The following KDM4C variants were observed in gnomAD, a reference collection of about 807,000 sequenced individuals.
KDM4C encodes the protein lysine demethylase 4C, also known as lysine-specific demethylase 4C.
A neutral mutation model predicts 129.3 loss-of-function variants in KDM4C; 81 were observed. The observed-to-expected ratio is 0.63, with a 90% CI of 0.52 to 0.75. The LOEUF is 0.75. Ranked by LOEUF, KDM4C falls within the 30% of genes least tolerant of loss-of-function variation. The pLI is 0.00. For missense variants in KDM4C, 1,457 were observed against 1,304.0 expected (o/e 1.12, Z -1.81); for synonymous variants, 573 against 456.1 (o/e 1.26, Z -3.26).
At chr9:6,800,734 G>GC (rs1828790623) in intron 2 of KDM4C, among the ~76,000 whole-genome samples, 1 of 151,802 alleles carries the variant, frequency 6.6e-6, no homozygotes. Flanking sequence ...TCAAGCAGTC[G>GC]CCCCACCTCA....
intron 2 of KDM4C, among the ~76,000 whole-genome samples, chr9:6,796,302 G>A (rs1053103300): frequency 3.9e-5 from 6 of 152,110 alleles, no homozygotes; most frequent in African/African-American, 9.7e-5. Context: ...AATTTTAGCC[G>A]GGCTTGGAGG....
chr9:6,769,415 G>A (rs988161063), intron 1 of KDM4C, among the ~76,000 whole-genome samples: 1 of 151,960 alleles, frequency 6.6e-6, no homozygotes, highest in Non-Finnish European at 1.5e-5. Context: ...TGGGATCTGG[G>A]TCCGGGATAC....
At chr9:6,945,091 CCACAGACA>C (rs1377016140) in intron 8 of KDM4C, among the ~76,000 whole-genome samples, 2 of 152,106 alleles carry the variant, frequency 1.3e-5, no homozygotes. Context: ...CTCTACACAG[CCACAGACA>C]TACCTTCCAC....
intron 8 of KDM4C, among the ~76,000 whole-genome samples, chr9:6,950,732 A>G (rs1166894918): frequency 6.6e-6 from 1 of 152,210 alleles, no homozygotes; most frequent in African/African-American, 2.4e-5. Flanking sequence ...TGAAGTTTTC[A>G]GGGAGAGAAA....
intron 2 of KDM4C, among the ~76,000 whole-genome samples, chr9:6,799,445 A>G (rs919717107): frequency 2.6e-5 from 4 of 152,140 alleles, no homozygotes; most frequent in East Asian, 1.9e-4. Flanking sequence ...CGCGTCTGCA[A>G]TCGCAGGCAC....
rs1823208487 is a variant in KDM4C at position 7,014,105 on chromosome 9, G to A, written c.2182+104G>A. 5 of 832,046 alleles carry A rather than the reference G, an allele frequency of 6.0e-6. No individual in the cohort carries two copies. In the East Asian group the frequency reaches 9.9e-5, roughly 16 times the overall value. The allele number at this position is 832,046 out of a possible 1,614,324, so 51.5% of individuals were successfully genotyped here. On this transcript the variant is annotated intron_variant, in intron 14 of 21. Transcript: ENST00000381309. The stretch of plus-strand genomic sequence containing the variant: ...GTCAGATCTGTTGCATGGACTATTG[G>A]CATTCTTAATGGTTATATCATTCTT...
intron 6 of KDM4C, among the ~76,000 whole-genome samples, chr9:6,884,370 G>C (rs1424122180): frequency 1.3e-5 from 2 of 152,104 alleles, no homozygotes; most frequent in Non-Finnish European, 2.9e-5. Flanking sequence ...AAATAAGCTT[G>C]CCAAGAAATT....
Position 6,825,227 on chromosome 9 carries a change from A to G in KDM4C, c.435+10482A>G, listed in dbSNP as rs56350789. Among the ~76,000 whole-genome samples the G allele has an allele frequency of 9.6e-3, 1,465 of 151,888 alleles. 19 individuals carry two copies. Among genetic ancestry groups the G allele is most frequent in the African/African-American group, 0.033 (1,357 of 41,404 alleles). ...AATCTGTTATAAAGTCATATGTCCT[A>G]TAGCTTCTGGAAAACTCTATACTCA... On this transcript the variant is annotated intron_variant, in intron 4 of 21. Transcript: ENST00000381309.
chr9:6,867,013 A>ATT (rs1267228074), intron 5 of KDM4C, among the ~76,000 whole-genome samples: 1 of 78,828 alleles, frequency 1.3e-5, no homozygotes, highest in East Asian at 3.1e-4. Context: ...ATATATATAT[A>ATT]TATATTTTTT....
chr9:6,852,046 G>A lies in KDM4C; in HGVS notation c.629+2346G>A, dbSNP rs1049059484. Among the ~76,000 whole-genome samples the A allele has an allele frequency of 3.2e-4, 48 of 152,130 alleles. 1 individual carries two copies. Among genetic ancestry groups the A allele is most frequent in the African/African-American group, 1.2e-3 (48 of 41,430 alleles). On this transcript the variant is annotated intron_variant, in intron 5 of 21. Transcript: ENST00000381309. ...ATAAAATAATAAAATGTAGTAGTGAGTTGTAACACTGATTCTACATACTAT... is the reference window on the plus strand; with the variant it reads ...ATAAAATAATAAAATGTAGTAGTGAATTGTAACACTGATTCTACATACTAT...
At chr9:7,087,225 A>G (rs1473622239) in intron 17 of KDM4C, among the ~76,000 whole-genome samples, 1 of 151,942 alleles carries the variant, frequency 6.6e-6, no homozygotes, top group African/African-American at 2.4e-5. Context: ...AGAAAGAGAC[A>G]TTACTGCAAC....
At chr9:6,745,142 G>T (rs1817833754) in intron 1 of KDM4C, among the ~76,000 whole-genome samples, 1 of 152,110 alleles carries the variant, frequency 6.6e-6, no homozygotes, top group Non-Finnish European at 1.5e-5. Context: ...AGGCCTTAAA[G>T]TCAAAGGAGC....
chr9:6,841,427 G>A (rs1836885083), intron 4 of KDM4C, among the ~76,000 whole-genome samples: 1 of 152,174 alleles, frequency 6.6e-6, no homozygotes, highest in African/African-American at 2.4e-5. Flanking sequence ...TGACAGGTTA[G>A]TGGTTTTGAC....
At chr9:6,928,731 A>G (rs1325366389) in intron 8 of KDM4C, among the ~76,000 whole-genome samples, 2 of 149,068 alleles carry the variant, frequency 1.3e-5, no homozygotes, top group Non-Finnish European at 3.0e-5. Context: ...ATTCTTACCC[A>G]CTCGTTTTTG....
chr9:6,982,135 C>T (rs1361621383), intron 9 of KDM4C: 1 of 152,004 alleles, frequency 6.6e-6, no homozygotes, highest in African/African-American at 2.4e-5. Flanking sequence ...TCCCCTGTAG[C>T]TTGTGTCCAC....
intron 8 of KDM4C, among the ~76,000 whole-genome samples, chr9:6,912,326 C>A (rs556408973): frequency 1.3e-5 from 2 of 152,342 alleles, no homozygotes; most frequent in African/African-American, 4.8e-5. Context: ...CTTAACCTCT[C>A]CCCTGTGTGA....
chr9:7,170,132 A>T, intron 21 of KDM4C: 1 of 1,382,958 alleles, frequency 7.2e-7, no homozygotes, highest in Middle Eastern at 2.8e-4. Flanking sequence ...CTTTGTGTTG[A>T]CATTTATTGG....
intron 8 of KDM4C, chr9:6,974,661 C>T (rs558855294): frequency 6.6e-6 from 1 of 152,110 alleles, no homozygotes; most frequent in Non-Finnish European, 1.5e-5. Flanking sequence ...CCCTGCCTGT[C>T]TGTTTTCATA....
intron 19 of KDM4C, 101 bp from the exon 20 acceptor site, chr9:7,165,137 C>T (rs1466609791): frequency 4.4e-6 from 6 of 1,378,764 alleles, no homozygotes; most frequent in South Asian, 1.3e-5. Flanking sequence ...AACACAGAGG[C>T]AATAACTCCT....
Sources: gnomAD v4.1 joint callset for allele counts (sites outside exome capture counted in the v4.1 genomes callset) on GRCh38, gnomAD v4.1.1 for gene constraint, MANE v1.5 for transcripts, NCBI Gene and HGNC (gene_info 2026-07-23, HGNC 2026-07-21) for gene names.